The following TLE4 variants were observed in gnomAD, a reference collection of about 807,000 sequenced individuals.
TLE4 encodes TLE family member 4, transcriptional corepressor.
A neutral mutation model predicts 92.8 loss-of-function variants in TLE4; 8 were observed. The observed-to-expected ratio is 0.09, with a 90% confidence interval of 0.05 to 0.16. The LOEUF (loss-of-function observed/expected upper bound fraction) is 0.16. Among genes scored for constraint, TLE4 ranks in the 10% least tolerant of loss-of-function variants. The probability of loss-of-function intolerance (pLI) is 1.00; values close to 1 mark genes in which losing one functional copy is unlikely to be tolerated. For synonymous variants in TLE4, 371 were observed against 374.1 expected, an observed-to-expected ratio of 0.99 and a Z score of 0.10; for missense variants, 675 against 997.6, an observed-to-expected ratio of 0.68 and a Z score of 4.36.
At position 79,714,689 on chromosome 9, in the gene TLE4, T is replaced by C. The variant is rs150603067; in HGVS notation, c.1341-4033T>C. ...TGATATTGTCATTTCTGTACTTTTC[T>C]CTCATCATGCTAACTAGATTGTTAG... On this transcript the variant is annotated intron_variant, in intron 14 of 19. Coordinates refer to ENST00000376552, the MANE Select transcript of TLE4 (RefSeq NM_007005.6). Among the ~76,000 whole-genome samples, 179 of 152,376 alleles carry C rather than the reference T, an allele frequency of 1.2e-3. 1 individual carries two copies. Among genetic ancestry groups the C allele is most frequent in the African/African-American group, 4.2e-3 (174 of 41,580 alleles).
At chr9:79,672,849 C>A (rs1249993350) in intron 8 of TLE4, among the ~76,000 whole-genome samples, 1 of 152,174 alleles carries the variant, frequency 6.6e-6, no homozygotes, top group East Asian at 1.9e-4. Flanking sequence ...GCTCAGAAAA[C>A]CCTAAGAGGA....
chr9:79,654,913 G>A (rs897500082), intron 8 of TLE4, among the ~76,000 whole-genome samples: 6 of 152,210 alleles, frequency 3.9e-5, no homozygotes, highest in Non-Finnish European at 7.3e-5. Context: ...GGAGGCCGAG[G>A]TGGGCGGATC....
intron 8 of TLE4, among the ~76,000 whole-genome samples, chr9:79,669,983 TA>T (rs2062012249): frequency 6.6e-6 from 1 of 152,008 alleles, no homozygotes; most frequent in Non-Finnish European, 1.5e-5. Flanking sequence ...GGTCAAATGG[TA>T]AAGGCCTAGA....
chr9:79,628,538 T>C (rs1263827618), intron 6 of TLE4, among the ~76,000 whole-genome samples: 1 of 151,932 alleles, frequency 6.6e-6, no homozygotes, highest in African/African-American at 2.4e-5. Flanking sequence ...GTAGCTTGTT[T>C]TTTAATGGGG....
chr9:79,584,508 G>A (rs749620024), intron 4 of TLE4, among the ~76,000 whole-genome samples: 2 of 152,110 alleles, frequency 1.3e-5, no homozygotes, highest in South Asian at 2.1e-4. Context: ...TCTCTCTCTC[G>A]TGCTAGATTG....
At chr9:79,612,786 GT>G in intron 5 of TLE4, 68 bp downstream of exon 5, 1 of 1,327,702 alleles carries the variant, frequency 7.5e-7, no homozygotes, top group Non-Finnish European at 1.1e-6. Context: ...AAAAGGGATT[GT>G]AGAACTGACT....
chr9:79,719,058 A>G, intron 15 of TLE4, 87 bp downstream of exon 15: 1 of 1,516,642 alleles, frequency 6.6e-7, no homozygotes, highest in East Asian at 2.3e-5. Context: ...GAGCAACACC[A>G]CACAGTATTG....
In TLE4 at chr9:79,572,850, C is replaced by G. The variant is rs771988071; in HGVS notation, c.45+15C>G. On this transcript the variant is annotated intron_variant, in intron 1 of 19. Coordinates refer to ENST00000376552, the MANE Select transcript of TLE4 (RefSeq NM_007005.6). ...CCAGACACCCAGTGAGTGCGGGCGG[C>G]GGGGCGCGGGCTCGCCGGGTGCTGG... 1.3e-6 allele frequency: 2 copies of G among 1,591,990 alleles called. No homozygotes were observed. The highest frequency in any genetic ancestry group is 1.7e-6 in the Non-Finnish European group (2 of 1,170,132).
intron 5 of TLE4, among the ~76,000 whole-genome samples, chr9:79,619,681 C>T (rs1287008700): frequency 1.3e-5 from 2 of 152,156 alleles, no homozygotes. Context: ...GCACAGGGCA[C>T]GTCTGCTTCC....
At chr9:79,586,221 G>C (rs2046040643) in intron 4 of TLE4, among the ~76,000 whole-genome samples, 1 of 151,938 alleles carries the variant, frequency 6.6e-6, no homozygotes, top group South Asian at 2.1e-4. Context: ...AAATTAACTG[G>C]GCGTGGTGGC....
intron 9 of TLE4, 23 bp from the exon 10 acceptor site, chr9:79,705,866 A>G: frequency 6.2e-7 from 1 of 1,612,852 alleles, no homozygotes; most frequent in Non-Finnish European, 8.5e-7. Context: ...GGAGAAGATA[A>G]TGCTTCTCAC....
intron 4 of TLE4, among the ~76,000 whole-genome samples, chr9:79,591,127 G>C (rs1207290968): frequency 6.6e-6 from 1 of 152,186 alleles, no homozygotes; most frequent in Non-Finnish European, 1.5e-5. Flanking sequence ...GGAGAATCTA[G>C]TCTTTTTACT....
At chr9:79,693,298 C>G (rs767366878) in intron 8 of TLE4, among the ~76,000 whole-genome samples, 1 of 152,108 alleles carries the variant, frequency 6.6e-6, no homozygotes, top group Non-Finnish European at 1.5e-5. Flanking sequence ...GAATCTCCCC[C>G]ACCCAACCTC....
chr9:79,696,003 T>C (rs918800177), intron 8 of TLE4, among the ~76,000 whole-genome samples: 1 of 152,214 alleles, frequency 6.6e-6, no homozygotes, highest in African/African-American at 2.4e-5. Flanking sequence ...ATTTCTGTTG[T>C]GACTCTGAGA....
At chr9:79,658,291 A>G (rs189558747) in intron 8 of TLE4, among the ~76,000 whole-genome samples, 234 of 152,328 alleles carry the variant, frequency 1.5e-3, no homozygotes, top group Non-Finnish European at 2.7e-3. Flanking sequence ...CATAATGAGT[A>G]TGGATGGTGC....
At chr9:79,700,870 A>G (rs2069634860) in intron 8 of TLE4, among the ~76,000 whole-genome samples, 1 of 152,124 alleles carries the variant, frequency 6.6e-6, no homozygotes. Flanking sequence ...ACACACGCAC[A>G]CTCAAACTGT....
intron 6 of TLE4, among the ~76,000 whole-genome samples, chr9:79,638,360 A>G (rs2056419417): frequency 6.6e-6 from 1 of 152,180 alleles, no homozygotes; most frequent in Admixed American, 6.5e-5. Context: ...TGTATGCCTG[A>G]CTTGTGAATA....
intron 14 of TLE4, among the ~76,000 whole-genome samples, chr9:79,712,528 A>G (rs1378206847): frequency 1.3e-5 from 2 of 152,230 alleles, no homozygotes; most frequent in African/African-American, 4.8e-5. Context: ...CATACCCACA[A>G]TGTAACTACC....
At chr9:79,671,994 A>G (rs570070413) in intron 8 of TLE4, among the ~76,000 whole-genome samples, 11 of 69,466 alleles carry the variant, frequency 1.6e-4, no homozygotes, top group Admixed American at 1.4e-3. Flanking sequence ...GAAACAAAAC[A>G]CTTTTTTTTT....
Sources: allele counts gnomAD v4.1 joint callset (sites outside exome capture counted in the v4.1 genomes callset), GRCh38; gene constraint gnomAD v4.1.1; transcripts MANE v1.5; gene names NCBI Gene and HGNC (gene_info 2026-07-23, HGNC 2026-07-21).